Variants in CALCRL observed in about 807,000 individuals in gnomAD.
The protein encoded by CALCRL is calcitonin receptor like receptor, also known as calcitonin gene-related peptide type 1 receptor.
CALCRL carries 27 observed loss-of-function variants against 60.4 expected under a neutral mutation model. That is an observed-to-expected ratio of 0.45 (90% CI 0.33 to 0.62). CALCRL has a LOEUF of 0.62. Ranked by LOEUF, CALCRL falls within the 20% of genes least tolerant of loss-of-function variation. The pLI, the probability that CALCRL is intolerant of heterozygous loss-of-function variation, is 0.03. For synonymous variants in CALCRL, 190 were observed against 182.6 expected (o/e 1.04, Z -0.33); for missense variants, 424 against 540.7 (o/e 0.78, Z 2.14).
intron 1 of CALCRL, chr2:187,428,340 A>C (rs1416678524): frequency 1.3e-5 from 2 of 152,152 alleles, no homozygotes; most frequent in African/African-American, 4.8e-5. Flanking sequence ...CACTGACCTC[A>C]TTTGGTTGAA....
chr2:187,394,880 G>A (rs1289966107), intron 1 of CALCRL, among the ~76,000 whole-genome samples: 1 of 151,926 alleles, frequency 6.6e-6, no homozygotes, highest in African/African-American at 2.4e-5. Context: ...GTTTTTAGAA[G>A]GTTAATGTGA....
intron 1 of CALCRL, among the ~76,000 whole-genome samples, chr2:187,389,362 C>T (rs1297183976): frequency 2.6e-5 from 4 of 151,986 alleles, no homozygotes; most frequent in South Asian, 2.1e-4. Context: ...TGTGAGCCAC[C>T]GTGCCTTGCC....
At chr2:187,370,285 A>G (rs943705177) in intron 8 of CALCRL, among the ~76,000 whole-genome samples, 1 of 152,138 alleles carries the variant, frequency 6.6e-6, no homozygotes, top group Non-Finnish European at 1.5e-5. Flanking sequence ...TGTGGGTATG[A>G]TCGAGAAAAA....
chr2:187,406,081 G>A (rs1169418641), intron 1 of CALCRL, among the ~76,000 whole-genome samples: 5 of 150,868 alleles, frequency 3.3e-5, no homozygotes, highest in Non-Finnish European at 5.9e-5. Context: ...GGGCTCTGAA[G>A]CAGTTGGGCT....
chr2:187,391,312 T>A (rs947901908), intron 1 of CALCRL, among the ~76,000 whole-genome samples: 2 of 152,228 alleles, frequency 1.3e-5, no homozygotes, highest in African/African-American at 4.8e-5. Context: ...AAGCAAATCA[T>A]TTTTAATCTC....
At chr2:187,417,745 T>A (rs1689679142) in intron 1 of CALCRL, among the ~76,000 whole-genome samples, 2 of 152,166 alleles carry the variant, frequency 1.3e-5, no homozygotes, top group South Asian at 4.1e-4. Context: ...TTCTCTTCAA[T>A]ATTTTGTTTT....
At chr2:187,430,127 T>G (rs1690338695) in intron 1 of CALCRL, among the ~76,000 whole-genome samples, 1 of 152,224 alleles carries the variant, frequency 6.6e-6, no homozygotes. Context: ...GTAGGCATTT[T>G]GAGCATTCAA....
At chr2:187,392,853 G>A (rs1197781498) in intron 1 of CALCRL, among the ~76,000 whole-genome samples, 1 of 152,048 alleles carries the variant, frequency 6.6e-6, no homozygotes, top group African/African-American at 2.4e-5. Context: ...ACAGGCTTGA[G>A]CTCCTGCACC....
At chr2:187,382,134 A>T (rs890113177) in intron 5 of CALCRL, among the ~76,000 whole-genome samples, 7 of 152,214 alleles carry the variant, frequency 4.6e-5, no homozygotes, top group Non-Finnish European at 7.3e-5. Flanking sequence ...GTAATGTGAT[A>T]GAGTGCAAGG....
chr2:187,371,128 C>G (rs913155667), intron 8 of CALCRL, among the ~76,000 whole-genome samples: 2 of 151,976 alleles, frequency 1.3e-5, no homozygotes, highest in African/African-American at 4.8e-5. Flanking sequence ...TGCATAGTCC[C>G]AGCTACTCAG....
In CALCRL at chr2:187,380,535, G is replaced by T; in HGVS notation, c.340C>A (p.His114Asn). 1.9e-6 allele frequency: 3 copies of T among 1,613,208 alleles called. No homozygotes were observed. The highest frequency in any genetic ancestry group is 2.5e-6 in the Non-Finnish European group (3 of 1,179,472). The change falls in exon 7 of 15, where the codon CAT (histidine) becomes AAT (asparagine). Residue 114 changes from histidine (H) to asparagine (N), a missense_variant. By Grantham distance (68) the His-to-Asn change is moderately conservative. Transcript: ENST00000392370. The part of the protein sequence containing the change: ...ICDQDGNWFR[H>N]PASNRTWTNY... Reference sequence around the variant, plus strand: ...GTCCATGTTCTGTTGCTTGCTGGATGTCTAAACCAGTTTCCATCTTGGTCA... The same window carrying T: ...GTCCATGTTCTGTTGCTTGCTGGATTTCTAAACCAGTTTCCATCTTGGTCA...
intron 1 of CALCRL, among the ~76,000 whole-genome samples, chr2:187,421,830 C>G (rs1689884694): frequency 6.6e-6 from 1 of 152,186 alleles, no homozygotes; most frequent in South Asian, 2.1e-4. Context: ...ACCCTTTGAG[C>G]CTTTACATTC....
intron 14 of CALCRL, among the ~76,000 whole-genome samples, chr2:187,349,438 G>A (rs1686427425): frequency 6.6e-6 from 1 of 151,642 alleles, no homozygotes; most frequent in African/African-American, 2.4e-5. Flanking sequence ...ATTTTAAGAA[G>A]TACATGACAT....
At chr2:187,418,045 T>C (rs904661950) in intron 1 of CALCRL, among the ~76,000 whole-genome samples, 7 of 152,202 alleles carry the variant, frequency 4.6e-5, no homozygotes, top group African/African-American at 1.7e-4. Context: ...GTCAAGTTAC[T>C]ACCCAGCTTA....
chr2:187,385,422 T>C (rs1158123734), intron 4 of CALCRL, 123 bp downstream of exon 4: 7 of 590,154 alleles, frequency 1.2e-5, no homozygotes, highest in Non-Finnish European at 1.8e-5. Context: ...ACATTATTGC[T>C]GTATCAATTG....
At chr2:187,402,791 A>G (rs1162785601) in intron 1 of CALCRL, among the ~76,000 whole-genome samples, 1 of 151,834 alleles carries the variant, frequency 6.6e-6, no homozygotes, top group Admixed American at 6.6e-5. Flanking sequence ...TGTATTCCAT[A>G]TATTTGCTAA....
intron 1 of CALCRL, among the ~76,000 whole-genome samples, chr2:187,440,608 C>G (rs6731444): frequency 1 from 152,120 of 152,234 alleles, 76,003 homozygotes; most frequent in Middle Eastern, 1. Flanking sequence ...AGAACTTGCT[C>G]AACGAACTTA....
intron 1 of CALCRL, among the ~76,000 whole-genome samples, 168 bp from the exon 2 acceptor site, chr2:187,387,924 T>C (rs1249866952): frequency 6.6e-6 from 1 of 152,112 alleles, no homozygotes; most frequent in Non-Finnish European, 1.5e-5. Context: ...GGTTATTATA[T>C]AGCATTATAT....
At chr2:187,391,335 T>C (rs774319368) in intron 1 of CALCRL, among the ~76,000 whole-genome samples, 3 of 152,192 alleles carry the variant, frequency 2.0e-5, no homozygotes, top group Non-Finnish European at 4.4e-5. Flanking sequence ...TCAGATCTTG[T>C]TAAATTATTT....
Sources: allele counts gnomAD v4.1 joint callset (sites outside exome capture counted in the v4.1 genomes callset), GRCh38; gene constraint gnomAD v4.1.1; transcripts MANE v1.5; gene names NCBI Gene and HGNC (gene_info 2026-07-23, HGNC 2026-07-21).